RBFOX1: variants seen among roughly 807,000 people sequenced by gnomAD.
The protein encoded by RBFOX1 is RNA binding protein fox-1 homolog 1.
A neutral mutation model predicts 57.7 loss-of-function variants in RBFOX1; 8 were observed. The ratio of observed to expected loss-of-function variants is 0.14; its 90% CI spans 0.08 to 0.25. The LOEUF is 0.25. Among genes scored for constraint, RBFOX1 ranks in the 10% least tolerant of loss-of-function variants. The pLI is 1.00. For missense variants in RBFOX1, 611 were observed against 548.5 expected (o/e 1.11, Z -1.14); for synonymous variants, 326 against 222.4 (o/e 1.47, Z -4.15).
intron 4 of RBFOX1, among the ~76,000 whole-genome samples, chr16:5,869,888 T>C (rs1331258485): frequency 6.6e-6 from 1 of 152,130 alleles, no homozygotes; most frequent in Non-Finnish European, 1.5e-5. Context: ...ATAAAGGATT[T>C]ATTTACCATA....
intron 2 of RBFOX1, among the ~76,000 whole-genome samples, chr16:6,650,632 A>G (rs193119924): frequency 1.5e-4 from 23 of 152,344 alleles, no homozygotes; most frequent in Admixed American, 1.4e-3. Context: ...GTTCAGTCCC[A>G]CTTGACTGAT....
intron 10 of RBFOX1, among the ~76,000 whole-genome samples, chr16:7,626,345 G>A (rs1001960387): frequency 2.0e-5 from 3 of 152,178 alleles, no homozygotes; most frequent in African/African-American, 4.8e-5. Context: ...TCAGCAGAAA[G>A]GGTTCCGATG....
At chr16:5,968,814 T>C (rs1029088950) in intron 4 of RBFOX1, among the ~76,000 whole-genome samples, 6 of 152,154 alleles carry the variant, frequency 3.9e-5, no homozygotes, top group Non-Finnish European at 8.8e-5. Context: ...TTGTTTTCTC[T>C]TTCTTTTTCA....
intron 3 of RBFOX1, among the ~76,000 whole-genome samples, chr16:6,813,230 C>T (rs1452984114): frequency 6.6e-6 from 1 of 152,082 alleles, no homozygotes; most frequent in East Asian, 1.9e-4. Context: ...CTGAAATTTA[C>T]ACTTCTCCGG....
chr16:5,991,526 C>A (rs1294801447), intron 4 of RBFOX1, among the ~76,000 whole-genome samples: 1 of 152,122 alleles, frequency 6.6e-6, no homozygotes, highest in Admixed American at 6.6e-5. Flanking sequence ...TGATAAGGAC[C>A]ATGCATCGTG....
chr16:6,967,224 C>T (rs2084462401), intron 3 of RBFOX1, among the ~76,000 whole-genome samples: 1 of 152,152 alleles, frequency 6.6e-6, no homozygotes, highest in South Asian at 2.1e-4. Context: ...ATCCATCATC[C>T]ATTTGTTTAT....
intron 3 of RBFOX1, among the ~76,000 whole-genome samples, chr16:5,822,654 T>A (rs766009644): frequency 1.5e-4 from 23 of 152,138 alleles, no homozygotes; most frequent in Non-Finnish European, 2.9e-4. Flanking sequence ...GCTACAAGAA[T>A]TACGGAATTA....
At chr16:7,308,181 T>C (rs996523750) in intron 4 of RBFOX1, among the ~76,000 whole-genome samples, 1 of 152,026 alleles carries the variant, frequency 6.6e-6, no homozygotes. Context: ...TTGTAAGTAA[T>C]AGAGGGCAAA....
At chr16:7,256,289 G>A (rs554047742) in intron 4 of RBFOX1, among the ~76,000 whole-genome samples, 1 of 152,260 alleles carries the variant, frequency 6.6e-6, no homozygotes, top group Admixed American at 6.5e-5. Context: ...TGAGGGGAGA[G>A]GTTAAGCCTC....
intron 1 of RBFOX1, among the ~76,000 whole-genome samples, chr16:6,022,660 G>C (rs1244650563): frequency 6.6e-6 from 1 of 152,142 alleles, no homozygotes. Context: ...TCCAGCCTGG[G>C]TGACCAGAAT....
rs376157515 is a variant in RBFOX1, at chr16:5,847,372, G to C, written c.319-19931G>C. On this transcript the variant is annotated intron_variant, in intron 3 of 19. Transcript: ENST00000641259. ...CTTATCTGAAAAAAAAAATGGGGGTGGGGGGGGAATCTTAAAATAGATCCT... is the reference window on the plus strand; with the variant it reads ...CTTATCTGAAAAAAAAAATGGGGGTCGGGGGGGAATCTTAAAATAGATCCT... Among the ~76,000 whole-genome samples the C allele has an allele frequency of 1.4e-4, 21 of 149,096 alleles. No homozygotes were observed. In the East Asian group the frequency reaches 2.2e-3, roughly 16 times the overall value.
intron 2 of RBFOX1, among the ~76,000 whole-genome samples, chr16:5,553,017 C>T (rs911335805): frequency 6.6e-6 from 1 of 152,122 alleles, no homozygotes; most frequent in African/African-American, 2.4e-5. Context: ...TCATTCTCAG[C>T]AAACTGTCAC....
At chr16:5,304,819 A>T (rs2063893094) in intron 1 of RBFOX1, among the ~76,000 whole-genome samples, 1 of 126,302 alleles carries the variant, frequency 7.9e-6, no homozygotes, top group Non-Finnish European at 1.8e-5. Flanking sequence ...GGTAGAAGTT[A>T]GCCATATAAA....
intron 2 of RBFOX1, among the ~76,000 whole-genome samples, chr16:6,412,926 A>C (rs1186023062): frequency 1.3e-5 from 2 of 152,210 alleles, no homozygotes; most frequent in East Asian, 3.9e-4. Flanking sequence ...GAACTTTCAA[A>C]AACTGATAAT....
At chr16:7,303,324 C>T (rs1036031645) in intron 4 of RBFOX1, among the ~76,000 whole-genome samples, 13 of 152,170 alleles carry the variant, frequency 8.5e-5, no homozygotes, top group Non-Finnish European at 1.6e-4. Context: ...TCCCTCCTGC[C>T]CCCAGCCCCT....
At chr16:6,605,380 G>T (rs542369239) in intron 2 of RBFOX1, among the ~76,000 whole-genome samples, 1 of 152,202 alleles carries the variant, frequency 6.6e-6, no homozygotes, top group African/African-American at 2.4e-5. Flanking sequence ...CATCTAGTTT[G>T]GAGTTTTGCT....
chr16:7,265,958 G>GTTTTGTTTTTTTTTTTTTT (rs1567956407), intron 4 of RBFOX1, among the ~76,000 whole-genome samples: 1 of 107,604 alleles, frequency 9.3e-6, no homozygotes. Flanking sequence ...GATCTGGTGG[G>GTTTTGTTTTTTTTTTTTTT]TTTTTGTTTT....
At chr16:5,800,405 G>A (rs139671287) in intron 3 of RBFOX1, among the ~76,000 whole-genome samples, 1 of 152,276 alleles carries the variant, frequency 6.6e-6, no homozygotes, top group East Asian at 1.9e-4. Flanking sequence ...GGACTTGATG[G>A]ACATGGGTGA....
chr16:6,280,586 A>G lies in RBFOX1; in HGVS notation c.-126-36409A>G, dbSNP rs1289418219. 3.3e-5 allele frequency among the ~76,000 whole-genome samples: 5 copies of G among 152,144 alleles called. No homozygotes were observed. The South Asian group carries it at 8.3e-4, about 25-fold the overall frequency. On this transcript the variant is annotated intron_variant, in intron 1 of 15. Coordinates refer to ENST00000550418, the MANE Select transcript of RBFOX1 (RefSeq NM_018723.4). ...ACATAAGCACACAGGCACTTAGACA[A>G]TGTAATGTCGCAGTACTCAGGAAGG... is the stretch of plus-strand genomic sequence containing the variant.
Sources: gnomAD v4.1 joint callset for allele counts (sites outside exome capture counted in the v4.1 genomes callset) on GRCh38, gnomAD v4.1.1 for gene constraint, MANE v1.5 for transcripts, NCBI Gene and HGNC (gene_info 2026-07-23, HGNC 2026-07-21) for gene names.